The following EDIL3 variants were observed in gnomAD, a reference collection of about 807,000 sequenced individuals.
The protein encoded by EDIL3 is EGF like and discoidin domains 3.
Under a neutral mutation model 67.4 loss-of-function variants are expected in EDIL3, and 37 were observed. The ratio of observed to expected loss-of-function variants is 0.55; its 90% CI spans 0.42 to 0.72. The LOEUF is 0.72. Ranked by LOEUF, EDIL3 falls within the 30% of genes least tolerant of loss-of-function variation. The pLI is 0.00. For missense variants in EDIL3, 527 were observed against 586.3 expected (o/e 0.90, Z 1.04); for synonymous variants, 195 against 196.3 (o/e 0.99, Z 0.05).
At chr5:84,372,782 T>TA (rs1747881872) in intron 1 of EDIL3, among the ~76,000 whole-genome samples, 1 of 152,164 alleles carries the variant, frequency 6.6e-6, no homozygotes, top group South Asian at 2.1e-4. Context: ...TTGTGGGTTT[T>TA]AAAAGAGCTG....
At chr5:84,032,796 G>T (rs772225902) in intron 9 of EDIL3, among the ~76,000 whole-genome samples, 4 of 152,174 alleles carry the variant, frequency 2.6e-5, no homozygotes, top group Non-Finnish European at 5.9e-5. Flanking sequence ...GATATCATTT[G>T]CTACCAATAT....
chr5:84,169,827 T>C (rs1748782519), intron 4 of EDIL3, among the ~76,000 whole-genome samples: 1 of 152,124 alleles, frequency 6.6e-6, no homozygotes, highest in African/African-American at 2.4e-5. Context: ...ATTTCAGGCA[T>C]TACAAATAAA....
chr5:84,155,840 T>C (rs1250201644), intron 4 of EDIL3, among the ~76,000 whole-genome samples: 1 of 152,206 alleles, frequency 6.6e-6, no homozygotes, highest in South Asian at 2.1e-4. Context: ...TCTTGCATCA[T>C]TTATTTATGT....
chr5:84,150,969 A>T (rs923886863), intron 4 of EDIL3, among the ~76,000 whole-genome samples: 1 of 152,138 alleles, frequency 6.6e-6, no homozygotes, highest in Non-Finnish European at 1.5e-5. Context: ...AAATGCAACT[A>T]ATCTATCATC....
rs184743573 is a variant in EDIL3 at position 84,144,746 on chromosome 5, T to A, written c.356-7392A>T. The stretch of plus-strand genomic sequence containing the variant: ...GTATATATTTCCTGGTTTCCTATTT[T>A]TATTATTATTTATACAATTGCATAT... On this transcript the variant is annotated intron_variant, in intron 4 of 10. Coordinates refer to ENST00000296591, the MANE Select transcript of EDIL3 (RefSeq NM_005711.5). Among the ~76,000 whole-genome samples the A allele has an allele frequency of 1.8e-3, 269 of 152,142 alleles. 1 individual carries two copies. Among genetic ancestry groups the A allele is most frequent in the African/African-American group, 5.4e-3 (226 of 41,566 alleles).
chr5:84,337,507 A>G (rs897011196), intron 1 of EDIL3, among the ~76,000 whole-genome samples: 4 of 152,146 alleles, frequency 2.6e-5, no homozygotes, highest in African/African-American at 9.7e-5. Context: ...TAATTACTAT[A>G]TACATGTATA....
intron 6 of EDIL3, among the ~76,000 whole-genome samples, chr5:84,067,225 T>G (rs746514595): frequency 8.5e-5 from 13 of 152,190 alleles, no homozygotes; most frequent in Non-Finnish European, 1.9e-4. Context: ...GTAAAATTTC[T>G]AACTGGAATT....
chr5:84,345,319 T>A (rs750171615), intron 1 of EDIL3, among the ~76,000 whole-genome samples: 1 of 152,152 alleles, frequency 6.6e-6, no homozygotes, highest in Non-Finnish European at 1.5e-5. Flanking sequence ...CAAAGAAAGA[T>A]GGAAAATTGC....
chr5:84,232,033 T>C (rs1004001001), intron 2 of EDIL3, among the ~76,000 whole-genome samples: 1 of 152,190 alleles, frequency 6.6e-6, no homozygotes, highest in African/African-American at 2.4e-5. Context: ...GAGTTCAATT[T>C]GAATTTGAGC....
At chr5:84,382,166 C>A (rs879129815) in intron 1 of EDIL3, among the ~76,000 whole-genome samples, 1 of 152,208 alleles carries the variant, frequency 6.6e-6, no homozygotes, top group Non-Finnish European at 1.5e-5. Flanking sequence ...TCAAGCCTTT[C>A]CCCTGTCCTC....
intron 9 of EDIL3, among the ~76,000 whole-genome samples, chr5:84,014,123 C>A (rs1363339859): frequency 6.6e-6 from 1 of 152,118 alleles, no homozygotes; most frequent in African/African-American, 2.4e-5. Flanking sequence ...TCTTGACTCT[C>A]CTATGCTTAA....
intron 2 of EDIL3, among the ~76,000 whole-genome samples, chr5:84,242,064 CAAA>C (rs397702402): frequency 8.2e-6 from 1 of 122,312 alleles, no homozygotes; most frequent in East Asian, 2.3e-4. Context: ...ACTAAAAGTA[CAAA>C]AAAAAAAAAA....
At chr5:84,290,104 C>T (rs1288693709) in intron 1 of EDIL3, among the ~76,000 whole-genome samples, 1 of 152,030 alleles carries the variant, frequency 6.6e-6, no homozygotes, top group African/African-American at 2.4e-5. Flanking sequence ...TGAAAGCTCA[C>T]AAGTTAGTAC....
rs529629727 is a variant in EDIL3 at position 84,199,717 on chromosome 5, C to G, written c.227-19196G>C. Among the ~76,000 whole-genome samples, 94 of 152,022 alleles carry G rather than the reference C, an allele frequency of 6.2e-4. 1 individual carries two copies. The highest frequency in any genetic ancestry group is 1.3e-3 in the Admixed American group (20 of 15,232). Reference sequence around the variant, plus strand: ...TTCTTCCAGGTAGTCTCAAATCTCCCGTAAACATTTTTGCAACACAAAGTT... The same window carrying G: ...TTCTTCCAGGTAGTCTCAAATCTCCGGTAAACATTTTTGCAACACAAAGTT... On this transcript the variant is annotated intron_variant, in intron 3 of 10. Transcript: ENST00000296591.
chr5:84,345,962 C>T (rs886830327), intron 1 of EDIL3, among the ~76,000 whole-genome samples: 1 of 152,012 alleles, frequency 6.6e-6, no homozygotes, highest in Non-Finnish European at 1.5e-5. Context: ...GCAGGTGAGT[C>T]AAGAAAACTG....
At chr5:83,970,260 A>G (rs1251882968) in intron 9 of EDIL3, among the ~76,000 whole-genome samples, 2 of 79,638 alleles carry the variant, frequency 2.5e-5, no homozygotes, top group Non-Finnish European at 5.9e-5. Flanking sequence ...CACTAATTAT[A>G]TATATATATA....
intron 1 of EDIL3, among the ~76,000 whole-genome samples, chr5:84,361,535 A>G (rs1747608710): frequency 6.6e-6 from 1 of 152,024 alleles, no homozygotes; most frequent in African/African-American, 2.4e-5. Flanking sequence ...CCATTCTTTA[A>G]AAGATTCTAT....
rs188681832 is a variant in EDIL3 at position 84,264,153 on chromosome 5, T to C, written c.68-9941A>G. Among the ~76,000 whole-genome samples the C allele has an allele frequency of 6.6e-3, 1,000 of 152,110 alleles. 14 individuals are homozygous for C. The highest frequency in any genetic ancestry group is 0.023 in the African/African-American group (953 of 41,516). On this transcript the variant is annotated intron_variant, in intron 1 of 10. Coordinates refer to ENST00000296591, the MANE Select transcript of EDIL3 (RefSeq NM_005711.5). ...CCCAGCTACTCGGGAGGCTGAGGCA[T>C]GAGAATCCCTTGAACCAAAGAGGTG...
chr5:84,041,602 A>G (rs556614336), intron 9 of EDIL3, among the ~76,000 whole-genome samples: 4 of 148,010 alleles, frequency 2.7e-5, no homozygotes, highest in Non-Finnish European at 5.9e-5. Flanking sequence ...GTATATATGT[A>G]TATACACACA....
Sources: allele counts gnomAD v4.1 joint callset (sites outside exome capture counted in the v4.1 genomes callset), GRCh38; gene constraint gnomAD v4.1.1; transcripts MANE v1.5; gene names NCBI Gene and HGNC (gene_info 2026-07-23, HGNC 2026-07-21).